Variants in JAKMIP3 observed in about 807,000 individuals in gnomAD.
The protein encoded by JAKMIP3 is Janus kinase and microtubule interacting protein 3.
A neutral mutation model predicts 118.5 loss-of-function variants in JAKMIP3; 58 were observed. That is an observed-to-expected ratio of 0.49 (90% CI 0.40 to 0.61). The LOEUF (loss-of-function observed/expected upper bound fraction) is 0.61, where lower values mean the gene tolerates loss of function less well. Among genes scored for constraint, JAKMIP3 ranks in the 20% least tolerant of loss-of-function variants. The pLI is 0.00. For synonymous variants in JAKMIP3, 486 were observed against 451.2 expected (o/e 1.08, Z -0.98); for missense variants, 950 against 1,109.0 (o/e 0.86, Z 2.04).
At chr10:132,060,161 G>A (rs9419172), upstream of JAKMIP3, among the ~76,000 whole-genome samples, 84,409 of 152,040 alleles carry the variant, frequency 0.56, 23,832 homozygotes, top group East Asian at 0.72. Context: ...GGGCAGAAAC[G>A]TGTCTGTTTC....
chr10:132,094,384 A>C (rs941141933), intron 1 of JAKMIP3, among the ~76,000 whole-genome samples: 2 of 152,098 alleles, frequency 1.3e-5, no homozygotes, highest in Non-Finnish European at 2.9e-5. Flanking sequence ...TCATTTGGGT[A>C]GGCTCTGTCA....
intron 1 of JAKMIP3, among the ~76,000 whole-genome samples, chr10:132,038,064 GTTTGT>G (rs1350245390): frequency 7.2e-5 from 11 of 152,252 alleles, no homozygotes; most frequent in Admixed American, 2.6e-4. Context: ...TGAGGATATA[GTTTGT>G]TTTAAGTAGG....
chr10:132,121,226 C>T (rs1000552580), intron 3 of JAKMIP3, among the ~76,000 whole-genome samples: 13 of 152,058 alleles, frequency 8.5e-5, no homozygotes, highest in Admixed American at 1.3e-4. Flanking sequence ...AGTGGCCTCC[C>T]GGGCCTGGCA....
At chr10:132,082,645 C>G (rs1302000503) in intron 1 of JAKMIP3, among the ~76,000 whole-genome samples, 1 of 151,750 alleles carries the variant, frequency 6.6e-6, no homozygotes, top group Admixed American at 6.6e-5. Flanking sequence ...GTGTCTCACT[C>G]TGTCGCCCAG....
At chr10:132,132,995 T>A (rs1456112450) in intron 3 of JAKMIP3, among the ~76,000 whole-genome samples, 1 of 152,206 alleles carries the variant, frequency 6.6e-6, no homozygotes, top group Non-Finnish European at 1.5e-5. Context: ...TGCTAGAAAG[T>A]ACCACCCCTG....
At chr10:132,136,179 C>G in intron 6 of JAKMIP3, 103 bp downstream of exon 6, 1 of 1,301,952 alleles carries the variant, frequency 7.7e-7, no homozygotes, top group Admixed American at 2.2e-5. Context: ...CGGTCCCGGG[C>G]GGGTGGCCAG....
intron 1 of JAKMIP3, among the ~76,000 whole-genome samples, chr10:132,077,156 A>AG (rs2040955292): frequency 6.6e-6 from 1 of 152,184 alleles, no homozygotes; most frequent in African/African-American, 2.4e-5. Context: ...CGTGAGCAAA[A>AG]GGGTTTTGCT....
Position 132,104,943 on chromosome 10 carries a change from G to T in JAKMIP3, c.135G>T (p.Lys45Asn). Residue 45 changes from lysine to asparagine, a missense_variant and splice_region_variant, in exon 2 of 24, where the codon AAG (lysine) becomes AAT (asparagine). Coordinates refer to ENST00000684848, the MANE Select transcript of JAKMIP3 (RefSeq NM_001323087.2). ...TCGAGCTGCAGCAGGAGAAGAGCAA[G>T]GTGGGCGCTCCCCAGACCTCCACCC... Reference protein sequence around the residue: ...IQIELQQEKSKVSKVEREKNQ... With the variant: ...IQIELQQEKSNVSKVEREKNQ... The T allele has an allele frequency of 6.3e-7, 1 of 1,588,598 alleles. No homozygotes were observed. The highest frequency in any genetic ancestry group is 1.8e-5 in the Admixed American group (1 of 57,108).
intron 3 of JAKMIP3, among the ~76,000 whole-genome samples, chr10:132,127,389 ATT>A (rs1177622259): frequency 2.1e-5 from 2 of 95,944 alleles, no homozygotes; most frequent in African/African-American, 9.9e-5. Flanking sequence ...TGCCTGGCTA[ATT>A]TTGTGTGTGT....
chr10:132,174,746 G>A (rs897539750), intron 23 of JAKMIP3, among the ~76,000 whole-genome samples: 11 of 152,110 alleles, frequency 7.2e-5, no homozygotes, highest in Non-Finnish European at 1.5e-4. Flanking sequence ...GATTTCCGTT[G>A]CCCCACACGC....
intron 1 of JAKMIP3, among the ~76,000 whole-genome samples, chr10:132,047,306 T>C (rs896520898): frequency 6.6e-6 from 1 of 152,186 alleles, no homozygotes; most frequent in African/African-American, 2.4e-5. Flanking sequence ...CTACAGGCCA[T>C]GGGTTATAGT....
chr10:132,170,011 G>A (rs1222231842), intron 23 of JAKMIP3: 1 of 152,516 alleles, frequency 6.6e-6, no homozygotes, highest in African/African-American at 2.4e-5. Flanking sequence ...CATCCACCAA[G>A]GGCGCCCAGG....
chr10:132,125,561 C>G (rs1376732361), intron 3 of JAKMIP3, among the ~76,000 whole-genome samples: 1 of 152,256 alleles, frequency 6.6e-6, no homozygotes, highest in Non-Finnish European at 1.5e-5. Context: ...CTGTATGAAA[C>G]TTAAATCAGC....
chr10:132,173,665 T>C (rs2059845161), intron 23 of JAKMIP3, among the ~76,000 whole-genome samples: 1 of 152,210 alleles, frequency 6.6e-6, no homozygotes, highest in South Asian at 2.1e-4. Context: ...GTAGTACAAT[T>C]GACTATGGTA....
At chr10:132,072,149 G>A (rs998651448) in intron 1 of JAKMIP3, among the ~76,000 whole-genome samples, 17 of 151,878 alleles carry the variant, frequency 1.1e-4, no homozygotes, top group Non-Finnish European at 1.6e-4. Flanking sequence ...ACAGGGTTCC[G>A]CCGGCCTCAG....
At chr10:132,148,293 C>T (rs530420470) in intron 14 of JAKMIP3, among the ~76,000 whole-genome samples, 166 of 152,228 alleles carry the variant, frequency 1.1e-3, no homozygotes, top group Middle Eastern at 6.8e-3. Context: ...CCTCTTCATA[C>T]GAAGGATGAG....
chr10:132,104,445 G>A (rs116509178), intron 1 of JAKMIP3, among the ~76,000 whole-genome samples: 97 of 152,358 alleles, frequency 6.4e-4, no homozygotes, highest in African/African-American at 2.2e-3. Context: ...CATGCTGGGC[G>A]TGGGGATGTC....
chr10:132,145,216 C>A, intron 12 of JAKMIP3, 26 bp downstream of exon 12: 2 of 1,562,908 alleles, frequency 1.3e-6, no homozygotes, highest in Admixed American at 1.8e-5. Flanking sequence ...TCTGCACGGG[C>A]GTGGGGGCAC....
chr10:132,142,112 T>TGACCCCAGTGA, intron 11 of JAKMIP3, 64 bp downstream of exon 11: 1 of 1,509,570 alleles, frequency 6.6e-7, no homozygotes. Context: ...CCCCGTGGCC[T>TGACCCCAGTGA]GGGCTGGGAC....
Sources: allele counts gnomAD v4.1 joint callset (sites outside exome capture counted in the v4.1 genomes callset), GRCh38; gene constraint gnomAD v4.1.1; transcripts MANE v1.5; gene names NCBI Gene and HGNC (gene_info 2026-07-23, HGNC 2026-07-21).